The following AVEN variants were observed in gnomAD, a reference collection of about 807,000 sequenced individuals.
AVEN encodes the protein cell death regulator Aven.
In AVEN, 41 loss-of-function variants were observed where a neutral mutation model predicts 38.1. That is an observed-to-expected ratio of 1.08 (90% CI 0.84 to 1.40). The LOEUF (loss-of-function observed/expected upper bound fraction) is 1.40. Ranked by LOEUF, AVEN falls within the 40% of genes most tolerant of loss-of-function variation. The probability of loss-of-function intolerance (pLI) is 0.00; values close to 1 mark genes in which losing one functional copy is unlikely to be tolerated. For missense variants in AVEN, 605 were observed against 438.8 expected, an observed-to-expected ratio of 1.38 and a Z score of -3.38; for synonymous variants, 206 against 171.8, an observed-to-expected ratio of 1.20 and a Z score of -1.56.
intron 2 of AVEN, among the ~76,000 whole-genome samples, chr15:33,922,762 T>C (rs570732620): frequency 4.1e-4 from 62 of 152,282 alleles, no homozygotes; most frequent in African/African-American, 1.4e-3. Context: ...TAATTCTCTA[T>C]ATTATCTCAG....
At chr15:33,876,812 TAA>T (rs1279430412) in intron 2 of AVEN, among the ~76,000 whole-genome samples, 2 of 152,140 alleles carry the variant, frequency 1.3e-5, no homozygotes, top group Non-Finnish European at 2.9e-5. Context: ...AAGGACTGTA[TAA>T]GACCAAGAAA....
intron 2 of AVEN, among the ~76,000 whole-genome samples, chr15:33,932,496 A>G (rs1265002685): frequency 6.6e-6 from 1 of 152,234 alleles, no homozygotes; most frequent in East Asian, 1.9e-4. Flanking sequence ...ATGAAGAAGA[A>G]TAAGAAATGG....
At chr15:33,883,634 A>C (rs1210395986) in intron 2 of AVEN, 2 of 152,242 alleles carry the variant, frequency 1.3e-5, no homozygotes, top group Non-Finnish European at 2.9e-5. Context: ...CATAGAAATT[A>C]GTCAAAATAA....
chr15:33,983,160 A>ATATATG (rs1555512751), intron 2 of AVEN, among the ~76,000 whole-genome samples: 16 of 64,588 alleles, frequency 2.5e-4, no homozygotes, highest in East Asian at 1.5e-3. Flanking sequence ...GTGTGTGTGT[A>ATATATG]TGTGTGTGTG....
intron 2 of AVEN, among the ~76,000 whole-genome samples, chr15:34,001,732 A>G (rs992106201): frequency 2.0e-5 from 3 of 152,000 alleles, no homozygotes; most frequent in African/African-American, 7.3e-5. Flanking sequence ...TGTGCTCCTG[A>G]CTCACAATTT....
intron 1 of AVEN, among the ~76,000 whole-genome samples, chr15:34,008,034 A>C (rs1440984384): frequency 1.3e-5 from 2 of 152,186 alleles, no homozygotes; most frequent in Non-Finnish European, 1.5e-5. Context: ...TTTCCAAATA[A>C]GATCACACTC....
chr15:33,930,679 G>A (rs1389236182), intron 2 of AVEN, among the ~76,000 whole-genome samples: 2 of 152,180 alleles, frequency 1.3e-5, no homozygotes, highest in African/African-American at 4.8e-5. Flanking sequence ...GAACTGGCCG[G>A]GCGCGGTGGC....
chr15:33,981,530 A>G (rs970561070), intron 2 of AVEN, among the ~76,000 whole-genome samples: 1 of 152,206 alleles, frequency 6.6e-6, no homozygotes, highest in Non-Finnish European at 1.5e-5. Context: ...TTTCCCAAAC[A>G]ATGAAATGGC....
chr15:34,010,554 T>C (rs1897593733), intron 1 of AVEN, among the ~76,000 whole-genome samples: 1 of 147,166 alleles, frequency 6.8e-6, no homozygotes, highest in Non-Finnish European at 1.5e-5. Context: ...CTTTCCTGTT[T>C]TGAAGCTAGT....
At chr15:33,912,958 C>T (rs1281650452) in intron 2 of AVEN, among the ~76,000 whole-genome samples, 6 of 151,176 alleles carry the variant, frequency 4.0e-5, no homozygotes, top group Admixed American at 3.3e-4. Flanking sequence ...GGCGCGATCT[C>T]GGCTCACCAC....
At chr15:33,880,045 TG>T (rs1356223100) in intron 2 of AVEN, among the ~76,000 whole-genome samples, 7 of 152,196 alleles carry the variant, frequency 4.6e-5, no homozygotes, top group African/African-American at 1.7e-4. Context: ...AGGTAGATTT[TG>T]GTAAGTTATG....
rs370136718 is a variant in AVEN at position 33,920,775 on chromosome 15, C to T, written c.446-44780G>A. Reference sequence around the variant, plus strand: ...ATGATTACTTTTCCAAATATACTTCCTTTTTTTTTAGATGAAGTCTTGCTC... The same window carrying T: ...ATGATTACTTTTCCAAATATACTTCTTTTTTTTTTAGATGAAGTCTTGCTC... On this transcript the variant is annotated intron_variant, in intron 2 of 5. Coordinates refer to ENST00000306730, the MANE Select transcript of AVEN (RefSeq NM_020371.3). 1.9e-4 allele frequency among the ~76,000 whole-genome samples: 28 copies of T among 151,104 alleles called. 1 individual carries two copies. The East Asian group carries it at 4.9e-3, about 26-fold the overall frequency.
chr15:33,856,834 T>C (rs1046126918), downstream of AVEN: 15 of 152,214 alleles, frequency 9.9e-5, no homozygotes, highest in African/African-American at 3.6e-4. Context: ...AATTTTTGTA[T>C]TTTTAGTAGA....
At chr15:33,873,519 CAT>C (rs1434078126) in intron 3 of AVEN, among the ~76,000 whole-genome samples, 2 of 147,406 alleles carry the variant, frequency 1.4e-5, no homozygotes, top group Non-Finnish European at 3.0e-5. Flanking sequence ...ATACACTCAA[CAT>C]ATAATATATA....
rs968236884 is a variant in AVEN at position 33,866,227 on chromosome 15, T to G, written c.*386A>C. On this transcript the variant is annotated 3_prime_UTR_variant, in exon 6 of 6. Transcript: ENST00000306730. Reference sequence around the variant, plus strand: ...CCCACACAAGAAAGGAAAGGAAAACTGGACAGACCAGCATTTGTTTATTTT... The same window carrying G: ...CCCACACAAGAAAGGAAAGGAAAACGGGACAGACCAGCATTTGTTTATTTT... 2.1e-5 allele frequency: 4 copies of G among 189,584 alleles called. No homozygotes were observed. The highest frequency in any genetic ancestry group is 4.4e-5 in the Non-Finnish European group (4 of 91,036). The allele number at this position is 189,584 out of a possible 1,614,324, so 11.7% of individuals were successfully genotyped here.
chr15:33,854,769 T>C (rs2079472914), downstream of AVEN: 17 of 1,603,850 alleles, frequency 1.1e-5, no homozygotes, highest in Non-Finnish European at 1.4e-5. Context: ...TTCCCAGTCC[T>C]TTCTCTACCT....
chr15:34,039,084 A>AGCT lies in AVEN; in HGVS notation c.-41_-39dup, dbSNP rs1352607377. 38 of 1,078,828 alleles carry AGCT rather than the reference A, an allele frequency of 3.5e-5. No homozygotes were observed. The African/African-American group carries it at 5.8e-4, about 16-fold the overall frequency. 66.8% of individuals were successfully genotyped at this position (1,078,828 alleles called of 1,614,324 possible). A position where few individuals can be genotyped will look rare whatever the true frequency, so the allele number is the denominator to read the frequency against. On this transcript the variant is annotated 5_prime_UTR_variant, in exon 1 of 6. Transcript: ENST00000306730. ...GGCGGTGCTGAGCGCGCGGGAGCCG[A>AGCT]GCTGCGGCGGAGACGCCCTGGCCCC...
intron 2 of AVEN, among the ~76,000 whole-genome samples, chr15:33,934,806 G>C (rs1893998117): frequency 6.6e-6 from 1 of 152,172 alleles, no homozygotes; most frequent in African/African-American, 2.4e-5. Context: ...CCAAACCTGA[G>C]CTCTATCACT....
At chr15:34,045,503 G>A (rs543634527) in intron 5 of AVEN, among the ~76,000 whole-genome samples, 1 of 152,272 alleles carries the variant, frequency 6.6e-6, no homozygotes, top group South Asian at 2.1e-4. Context: ...TACCCCATGT[G>A]CTTTAAGCCT....
Sources: allele counts gnomAD v4.1 joint callset (sites outside exome capture counted in the v4.1 genomes callset), GRCh38; gene constraint gnomAD v4.1.1; transcripts MANE v1.5; gene names NCBI Gene and HGNC (gene_info 2026-07-23, HGNC 2026-07-21).